CAPZB: variants seen among roughly 807,000 people sequenced by gnomAD.
CAPZB encodes F-actin-capping protein subunit beta.
In CAPZB, 2 loss-of-function variants were observed where a neutral mutation model predicts 38.1. The ratio of observed to expected loss-of-function variants is 0.05; its 90% confidence interval spans 0.02 to 0.17. The LOEUF (loss-of-function observed/expected upper bound fraction) is 0.17, where lower values mean the gene tolerates loss of function less well. Ranked by LOEUF, CAPZB falls within the 10% of genes least tolerant of loss-of-function variation. The pLI, the probability that CAPZB is intolerant of heterozygous loss-of-function variation, is 1.00. For synonymous variants in CAPZB, 107 were observed against 127.4 expected, an observed-to-expected ratio of 0.84 and a Z score of 1.08; for missense variants, 161 against 334.2, an observed-to-expected ratio of 0.48 and a Z score of 4.04.
chr1:19,355,515 T>G (rs2094016217), intron 6 of CAPZB, among the ~76,000 whole-genome samples: 1 of 152,076 alleles, frequency 6.6e-6, no homozygotes, highest in South Asian at 2.1e-4. Context: ...AAAAAAAATT[T>G]TACTGCATCG....
At chr1:19,416,507 A>G (rs2094379932) in intron 2 of CAPZB, among the ~76,000 whole-genome samples, 1 of 152,196 alleles carries the variant, frequency 6.6e-6, no homozygotes, top group Admixed American at 6.5e-5. Context: ...AGAAGTCCCC[A>G]GCTTAGTCCT....
intron 3 of CAPZB, 136 bp downstream of exon 3, chr1:19,385,369 G>A (rs935841778): frequency 3.6e-6 from 3 of 834,970 alleles, no homozygotes; most frequent in South Asian, 1.6e-5. Context: ...AGGAGAGGAG[G>A]GCAGGGAACA....
intron 2 of CAPZB, among the ~76,000 whole-genome samples, chr1:19,391,505 C>A (rs193046363): frequency 6.6e-6 from 1 of 152,212 alleles, no homozygotes; most frequent in East Asian, 1.9e-4. Flanking sequence ...CAGCTGCCGA[C>A]GTCCAGCAGA....
rs934575968 is a variant in CAPZB, at chr1:19,385,451, C to T, written c.215+54G>A. On this transcript the variant is annotated intron_variant, in intron 3 of 8. Coordinates refer to ENST00000264202, the MANE Select transcript of CAPZB (RefSeq NM_004930.5). The stretch of plus-strand genomic sequence containing the variant: ...CCCCGTGCTCTGCAGCAGGTACCTA[C>T]GGCAGCCCGCGTGTGCCTGCTGTGC... 3.0e-5 allele frequency: 49 copies of T among 1,607,332 alleles called. 1 individual carries two copies. Among genetic ancestry groups the T allele is most frequent in the African/African-American group, 1.7e-4 (13 of 74,774 alleles).
chr1:19,366,286 ATATATATAT>A (rs1558189766), intron 4 of CAPZB, among the ~76,000 whole-genome samples: 5 of 107,252 alleles, frequency 4.7e-5, no homozygotes, highest in Non-Finnish European at 7.3e-5. Flanking sequence ...GTCTTAAAAT[ATATATATAT>A]ATATATATAT....
At chr1:19,451,377 G>A (rs2094515419) in intron 1 of CAPZB, among the ~76,000 whole-genome samples, 1 of 152,216 alleles carries the variant, frequency 6.6e-6, no homozygotes, top group South Asian at 2.1e-4. Flanking sequence ...CAGATGGCAT[G>A]CAAAAGGCCT....
In CAPZB at chr1:19,339,450, G is replaced by A; in HGVS notation, c.*80C>T. On this transcript the variant is annotated 3_prime_UTR_variant, in exon 9 of 9. Coordinates refer to ENST00000264202, the MANE Select transcript of CAPZB (RefSeq NM_004930.5). The stretch of plus-strand genomic sequence containing the variant: ...GACCTGTCGGGGAGGGAAGGGACGA[G>A]GGAAGGGAGCAGAAAACGAGTTTTC... 2.0e-6 allele frequency: 2 copies of A among 1,007,356 alleles called. No homozygotes were observed. The highest frequency in any genetic ancestry group is 2.5e-5 in the South Asian group (2 of 78,714). The allele number at this position is 1,007,356 out of a possible 1,614,324, so 62.4% of individuals were successfully genotyped here.
chr1:19,473,703 A>G (rs1250335287), intron 1 of CAPZB, among the ~76,000 whole-genome samples: 1 of 152,080 alleles, frequency 6.6e-6, no homozygotes, highest in Non-Finnish European at 1.5e-5. Flanking sequence ...ATCTCTACTA[A>G]AAATACAAAA....
chr1:19,388,381 G>C (rs1034514464), intron 2 of CAPZB, among the ~76,000 whole-genome samples: 1 of 152,128 alleles, frequency 6.6e-6, no homozygotes, highest in African/African-American at 2.4e-5. Context: ...ATATTTGGGA[G>C]GAAGGAAAGA....
At position 19,477,276 on chromosome 1, in the gene CAPZB, C is replaced by A. The variant is rs76684697; in HGVS notation, c.3+8160G>T. On this transcript the variant is annotated intron_variant, in intron 1 of 8. Coordinates refer to ENST00000264202, the MANE Select transcript of CAPZB (RefSeq NM_004930.5). ...TTAACCACACCCCAGCCCATCCTCT[C>A]TGCCTGAACAAGGTCTCAAATCTCA... Among the ~76,000 whole-genome samples the A allele has an allele frequency of 0.013, 1,912 of 152,332 alleles. 116 individuals carry two copies. In the East Asian group the frequency reaches 0.19, roughly 15 times the overall value.
intron 1 of CAPZB, among the ~76,000 whole-genome samples, chr1:19,465,063 AAAG>A (rs2094564760): frequency 6.6e-6 from 1 of 152,346 alleles, no homozygotes; most frequent in African/African-American, 2.4e-5. Flanking sequence ...AAAACAAAAA[AAAG>A]AAGACCCTAG....
chr1:19,442,775 T>A (rs1181355495), intron 1 of CAPZB, among the ~76,000 whole-genome samples: 1 of 152,112 alleles, frequency 6.6e-6, no homozygotes, highest in Non-Finnish European at 1.5e-5. Flanking sequence ...TTCCCTGGCT[T>A]CCTGTAAAGA....
In CAPZB at chr1:19,339,387, G is replaced by A. The variant is rs866076668; in HGVS notation, c.*143C>T. Reference sequence around the variant, plus strand: ...TGGCTATCGGCTTTATTCTCAGGGAGAGATGGCGCTGTGCGGTCAATGATG... The same window carrying A: ...TGGCTATCGGCTTTATTCTCAGGGAAAGATGGCGCTGTGCGGTCAATGATG... On this transcript the variant is annotated 3_prime_UTR_variant, in exon 9 of 9. Coordinates refer to ENST00000264202, the MANE Select transcript of CAPZB (RefSeq NM_004930.5). 2.8e-5 allele frequency: 20 copies of A among 712,090 alleles called. No individual in the cohort carries two copies. Among genetic ancestry groups the A allele is most frequent in the Middle Eastern group, 2.4e-4 (1 of 4,108 alleles). 44.1% of individuals were successfully genotyped at this position (712,090 alleles called of 1,614,324 possible).
At chr1:19,423,516 CTTTTT>C (rs11340496) in intron 1 of CAPZB, among the ~76,000 whole-genome samples, 175 of 113,270 alleles carry the variant, frequency 1.5e-3, no homozygotes, top group Middle Eastern at 5.0e-3. Context: ...AGTGAACATT[CTTTTT>C]TTTTTTTTTT....
intron 1 of CAPZB, among the ~76,000 whole-genome samples, chr1:19,477,604 G>C (rs554989018): frequency 1.3e-5 from 2 of 152,222 alleles, no homozygotes; most frequent in Non-Finnish European, 2.9e-5. Flanking sequence ...GCCTCACGAC[G>C]GAGAAGCCTT....
intron 1 of CAPZB, among the ~76,000 whole-genome samples, chr1:19,465,833 C>T (rs940609379): frequency 4.6e-5 from 7 of 152,144 alleles, no homozygotes; most frequent in African/African-American, 1.2e-4. Flanking sequence ...CCAGGTGCTA[C>T]GACTCATTTG....
intron 1 of CAPZB, among the ~76,000 whole-genome samples, chr1:19,446,890 C>G (rs2094497772): frequency 6.6e-6 from 1 of 152,132 alleles, no homozygotes; most frequent in Admixed American, 6.5e-5. Flanking sequence ...CAAGTTTTTT[C>G]CATCACATGA....
Position 19,391,782 on chromosome 1 carries a change from G to A in CAPZB, c.94-6156C>T, listed in dbSNP as rs530336010. On this transcript the variant is annotated intron_variant, in intron 2 of 8. Coordinates refer to ENST00000264202, the MANE Select transcript of CAPZB (RefSeq NM_004930.5). ...AAATTCACACTGTTCCATAAACCCC[G>A]AATGCCCGCTCCAGGCCCGTGTCAG... is the stretch of plus-strand genomic sequence containing the variant. 3.3e-4 allele frequency among the ~76,000 whole-genome samples: 50 copies of A among 152,240 alleles called. 1 individual carries two copies.
intron 1 of CAPZB, among the ~76,000 whole-genome samples, chr1:19,430,369 G>A (rs772512406): frequency 1.3e-5 from 2 of 152,116 alleles, no homozygotes; most frequent in Non-Finnish European, 2.9e-5. Flanking sequence ...CTCAGGAGTC[G>A]GAGCTATACT....
Sources: gnomAD v4.1 joint callset for allele counts (sites outside exome capture counted in the v4.1 genomes callset) on GRCh38, gnomAD v4.1.1 for gene constraint, MANE v1.5 for transcripts, NCBI Gene and HGNC (gene_info 2026-07-23, HGNC 2026-07-21) for gene names.